The following ARPP21 variants were observed in gnomAD, a reference collection of about 807,000 sequenced individuals.
ARPP21 encodes the protein cAMP-regulated phosphoprotein 21.
In ARPP21, 69 loss-of-function variants were observed where a neutral mutation model predicts 113.2. The observed-to-expected ratio is 0.61, with a 90% CI of 0.50 to 0.74. The LOEUF (loss-of-function observed/expected upper bound fraction) is 0.74. Ranked by LOEUF, ARPP21 falls within the 30% of genes least tolerant of loss-of-function variation. The pLI is 0.00. For synonymous variants in ARPP21, 368 were observed against 375.5 expected (o/e 0.98, Z 0.23); for missense variants, 1,070 against 1,037.4 (o/e 1.03, Z -0.43).
At chr3:35,682,928 G>C in intron 4 of ARPP21, 39 bp downstream of exon 4, 1 of 1,524,710 alleles carries the variant, frequency 6.6e-7, no homozygotes, top group African/African-American at 1.4e-5. Flanking sequence ...TGATATCATG[G>C]GTATAAATTA....
intron 13 of ARPP21, 49 bp from the exon 14 acceptor site, chr3:35,721,556 A>G (rs372072458): frequency 1.6e-5 from 17 of 1,063,616 alleles, no homozygotes; most frequent in African/African-American, 3.1e-5. Flanking sequence ...AACACCATGC[A>G]TGTAAGGTAA....
At position 35,706,817 on chromosome 3, in the gene ARPP21, A is replaced by G. The variant is rs2089282138; in HGVS notation, c.687-157A>G. ...AAAGTATTCTAACATGTGAAGTGAC[A>G]TATTATTACCTACCTGTATATTGCC... On this transcript the variant is annotated intron_variant, in intron 9 of 20. Transcript: ENST00000684406. 3.3e-5 allele frequency among the ~76,000 whole-genome samples: 5 copies of G among 152,220 alleles called. No individual in the cohort carries two copies. In the South Asian group the frequency reaches 1.0e-3, roughly 31 times the overall value.
Position 35,722,791 on chromosome 3 carries a change from T to C in ARPP21, c.1225+957T>C, listed in dbSNP as rs544035273. On this transcript the variant is annotated intron_variant, in intron 14 of 20. Coordinates refer to ENST00000684406, the MANE Select transcript of ARPP21 (RefSeq NM_001385562.1). ...ACGATGCTCACATGAGTCTGCAAAA[T>C]GCCCTCATGGTCGGCCATTTCTAGC... Among the ~76,000 whole-genome samples the C allele has an allele frequency of 4.6e-3, 699 of 152,320 alleles. 7 individuals carry two copies. Among genetic ancestry groups the C allele is most frequent in the African/African-American group, 0.015 (641 of 41,558 alleles).
intron 11 of ARPP21, among the ~76,000 whole-genome samples, chr3:35,713,920 CAT>C (rs2091895420): frequency 2.0e-5 from 3 of 152,144 alleles, no homozygotes; most frequent in African/African-American, 7.2e-5. Context: ...AGTATGAACT[CAT>C]AATGTATATC....
intron 1 of ARPP21, among the ~76,000 whole-genome samples, chr3:35,665,497 T>A (rs896713368): frequency 7.9e-5 from 12 of 152,184 alleles, no homozygotes; most frequent in African/African-American, 2.9e-4. Flanking sequence ...CACACATACA[T>A]CCATGTATCT....
At chr3:35,729,838 C>T (rs568948907) in intron 15 of ARPP21, among the ~76,000 whole-genome samples, 37 of 152,216 alleles carry the variant, frequency 2.4e-4, no homozygotes, top group Admixed American at 1.5e-3. Flanking sequence ...AGAGCTAAGA[C>T]GAGAGAAAAT....
rs886331484 is a variant in ARPP21 at position 35,715,302 on chromosome 3, T to A, written c.898-137T>A. The A allele has an allele frequency of 4.5e-5, 31 of 689,020 alleles. No homozygotes were observed. The African/African-American group carries it at 5.6e-4, about 12-fold the overall frequency. 42.7% of individuals were successfully genotyped at this position (689,020 alleles called of 1,614,324 possible). On this transcript the variant is annotated intron_variant, in intron 11 of 20. Coordinates refer to ENST00000684406, the MANE Select transcript of ARPP21 (RefSeq NM_001385562.1). ...ATCCTAACCAACCTTTTTCCTTTTTTATTTCTATCTTTTGTACCTATTTTT... is the reference window on the plus strand; with the variant it reads ...ATCCTAACCAACCTTTTTCCTTTTTAATTTCTATCTTTTGTACCTATTTTT...
At chr3:35,710,206 G>A (rs2090603586) in intron 11 of ARPP21, among the ~76,000 whole-genome samples, 1 of 152,156 alleles carries the variant, frequency 6.6e-6, no homozygotes, top group African/African-American at 2.4e-5. Context: ...AGAAGAGTGT[G>A]AGAGAGAGGG....
At position 35,707,006 on chromosome 3, in the gene ARPP21, A is replaced by G. The variant is rs746153454; in HGVS notation, c.719A>G (p.Asp240Gly). 2 of 1,614,090 alleles carry G rather than the reference A, an allele frequency of 1.2e-6. No homozygotes were observed. The highest frequency in any genetic ancestry group is 1.7e-6 in the Non-Finnish European group (2 of 1,179,938). ...PEQRFCEHLK[D>G]EKGEESQKRF... ...CAAAGGTTTTGTGAACATTTAAAAGATGAAAAAGGTGAAGAATCCCAGAAG... is the reference window on the plus strand; with the variant it reads ...CAAAGGTTTTGTGAACATTTAAAAGGTGAAAAAGGTGAAGAATCCCAGAAG... Residue 240 changes from aspartate (D) to glycine (G), a missense_variant, in exon 10 of 21, where the codon GAT becomes GGT. Physicochemically the swap from Asp to Gly is moderately conservative, Grantham distance 94. Transcript: ENST00000684406.
At chr3:35,691,469 G>C (rs1307128462) in intron 9 of ARPP21, among the ~76,000 whole-genome samples, 1 of 151,526 alleles carries the variant, frequency 6.6e-6, no homozygotes, top group Non-Finnish European at 1.5e-5. Flanking sequence ...CAGAAATCCT[G>C]CCTCTAAAAC....
At position 35,755,636 on chromosome 3, in the gene ARPP21, A is replaced by G. The variant is rs78467656; in HGVS notation, c.2137+11671A>G. Among the ~76,000 whole-genome samples the G allele has an allele frequency of 8.5e-5, 13 of 152,238 alleles. No individual in the cohort carries two copies. In the East Asian group the frequency reaches 2.5e-3, roughly 29 times the overall value. ...TTCTCCTTTTCTAGTAAAAGACCAC[A>G]AAGAGTACCATGCTATTTCTTGTTC... On this transcript the variant is annotated intron_variant, in intron 19 of 20. Transcript: ENST00000684406.
chr3:35,682,512 C>G, intron 3 of ARPP21: 1 of 236,310 alleles, frequency 4.2e-6, no homozygotes, highest in African/African-American at 2.2e-5. Flanking sequence ...TTTAACTAAA[C>G]TACAGAAGTG....
chr3:35,730,913 T>G (rs562915361), intron 15 of ARPP21, among the ~76,000 whole-genome samples: 1 of 152,334 alleles, frequency 6.6e-6, no homozygotes, highest in East Asian at 1.9e-4. Flanking sequence ...TGAAAACCGT[T>G]TGAAAGCTTC....
chr3:35,763,082 A>G (rs1451135969), intron 19 of ARPP21, among the ~76,000 whole-genome samples: 1 of 152,184 alleles, frequency 6.6e-6, no homozygotes, highest in East Asian at 1.9e-4. Context: ...ACAGTTAAAC[A>G]TGGGGAACCA....
intron 19 of ARPP21, among the ~76,000 whole-genome samples, chr3:35,762,446 T>A (rs2151327517): frequency 6.6e-6 from 1 of 152,228 alleles, no homozygotes; most frequent in Non-Finnish European, 1.5e-5. Flanking sequence ...GTGATACTAT[T>A]CAGGGTACTA....
chr3:35,650,318 T>C (rs1356054200), intron 1 of ARPP21: 1 of 152,098 alleles, frequency 6.6e-6, no homozygotes, highest in Non-Finnish European at 1.5e-5. Flanking sequence ...TTTTCAAGTA[T>C]TTATTGAAGT....
intron 19 of ARPP21, among the ~76,000 whole-genome samples, chr3:35,748,502 A>G (rs2095276471): frequency 6.6e-6 from 1 of 151,900 alleles, no homozygotes; most frequent in Non-Finnish European, 1.5e-5. Flanking sequence ...GAAGGAAGAA[A>G]GGAAGGAAGG....
At chr3:35,720,408 G>A (rs866990976) in intron 13 of ARPP21, among the ~76,000 whole-genome samples, 3 of 152,154 alleles carry the variant, frequency 2.0e-5, no homozygotes, top group Middle Eastern at 3.4e-3. Context: ...CAATTTTGTC[G>A]GTGAGTATTT....
chr3:35,765,380 A>G (rs73828911), intron 19 of ARPP21, among the ~76,000 whole-genome samples: 5,091 of 152,214 alleles, frequency 0.033, 150 homozygotes, highest in South Asian at 0.11. Context: ...AGCTCAGCTA[A>G]GAACAGAAAC....
Sources: gnomAD v4.1 joint callset for allele counts (sites outside exome capture counted in the v4.1 genomes callset) on GRCh38, gnomAD v4.1.1 for gene constraint, MANE v1.5 for transcripts, NCBI Gene and HGNC (gene_info 2026-07-23, HGNC 2026-07-21) for gene names.